Variants in CCDC83 observed in about 807,000 individuals in gnomAD.
The protein encoded by CCDC83 is coiled-coil domain-containing protein 83.
CCDC83 carries 54 observed loss-of-function variants against 50.1 expected under a neutral mutation model. That is an observed-to-expected ratio of 1.08 (90% CI 0.87 to 1.35). CCDC83 has a LOEUF of 1.35. Ranked by LOEUF, CCDC83 falls within the 40% of genes most tolerant of loss-of-function variation. The pLI is 0.00. For synonymous variants in CCDC83, 161 were observed against 153.3 expected (o/e 1.05, Z -0.37); for missense variants, 518 against 473.9 (o/e 1.09, Z -0.86).
chr11:85,862,227 G>A (rs530407996), intron 1 of CCDC83, among the ~76,000 whole-genome samples: 26 of 152,150 alleles, frequency 1.7e-4, no homozygotes, highest in African/African-American at 5.1e-4. Flanking sequence ...AATATTTATT[G>A]CAAGATTTTA....
intron 3 of CCDC83, among the ~76,000 whole-genome samples, chr11:85,876,677 G>A (rs2093271056): frequency 6.6e-6 from 1 of 152,106 alleles, no homozygotes; most frequent in African/African-American, 2.4e-5. Context: ...ACTAATTTGT[G>A]TACTTTTTGT....
At chr11:85,914,986 G>A (rs188343833) in intron 8 of CCDC83, among the ~76,000 whole-genome samples, 12 of 152,252 alleles carry the variant, frequency 7.9e-5, no homozygotes, top group East Asian at 3.9e-4. Flanking sequence ...TCACTAACAC[G>A]AGAACAGCAT....
At chr11:85,900,469 A>T (rs2093395831) in intron 7 of CCDC83, among the ~76,000 whole-genome samples, 1 of 152,166 alleles carries the variant, frequency 6.6e-6, no homozygotes, top group African/African-American at 2.4e-5. Flanking sequence ...GGGATTTGCC[A>T]GTTCACACCA....
chr11:85,910,204 C>T (rs1056522785), intron 7 of CCDC83, among the ~76,000 whole-genome samples: 15 of 152,314 alleles, frequency 9.8e-5, no homozygotes, highest in Admixed American at 4.6e-4. Flanking sequence ...CTCTCTCCTC[C>T]GATGGCACCA....
At position 85,865,177 on chromosome 11, in the gene CCDC83, A is replaced by G. The variant is rs773442206; in HGVS notation, c.54A>G (p.Lys18=). Residue 18 remains lysine (K), a synonymous_variant, in exon 2 of 11, where the codon AAA becomes AAG. Transcript: ENST00000342404. ...NKKDTHDGPP[K]EIKLPTSEAL... is the part of the protein sequence containing the mutation. ...AGGATACACATGACGGGCCACCAAA[A>G]GAAATTAAACTGCCTACCAGTGAAG... 9 of 1,613,210 alleles carry G rather than the reference A, an allele frequency of 5.6e-6. No individual in the cohort carries two copies. The South Asian group carries it at 9.9e-5, about 18-fold the overall frequency.
At chr11:85,856,263 C>A (rs760904960) in intron 1 of CCDC83, among the ~76,000 whole-genome samples, 10 of 151,152 alleles carry the variant, frequency 6.6e-5, no homozygotes, top group Non-Finnish European at 1.5e-4. Flanking sequence ...ATTTATCAGT[C>A]TATGTGATAA....
chr11:85,905,748 T>C (rs2093422672), intron 7 of CCDC83, among the ~76,000 whole-genome samples: 1 of 151,708 alleles, frequency 6.6e-6, no homozygotes, highest in Non-Finnish European at 1.5e-5. Flanking sequence ...GGCAGGTGGA[T>C]CACGAGGTCA....
intron 5 of CCDC83, among the ~76,000 whole-genome samples, chr11:85,892,935 A>G (rs544563840): frequency 2.0e-5 from 3 of 152,222 alleles, no homozygotes; most frequent in Non-Finnish European, 2.9e-5. Context: ...GACTAACTCC[A>G]AAAACCTAAT....
At position 85,911,362 on chromosome 11, in the gene CCDC83, C is replaced by G; in HGVS notation, c.754C>G (p.Gln252Glu). ...LEAENLVLID[Q>E]LSNCRLVDLK... ...AGCAGAAAATTTGGTGCTTATTGAT[C>G]AACTATCCAACTGTAGACTTGTGGA... is the stretch of plus-strand genomic sequence containing the variant. Residue 252 changes from glutamine to glutamate, a missense_variant, in exon 8 of 11, where the codon CAA becomes GAA. Physicochemically the swap from Gln to Glu is conservative, Grantham distance 29. Coordinates refer to ENST00000342404, the MANE Select transcript of CCDC83 (RefSeq NM_001286159.2). 1 of 1,611,092 alleles carries G rather than the reference C, an allele frequency of 6.2e-7. No individual in the cohort carries two copies. Among genetic ancestry groups the G allele is most frequent in the Non-Finnish European group, 8.5e-7 (1 of 1,178,754 alleles).
chr11:85,914,155 T>C (rs1302907807), intron 8 of CCDC83, among the ~76,000 whole-genome samples: 2 of 152,258 alleles, frequency 1.3e-5, no homozygotes, highest in African/African-American at 2.4e-5. Context: ...AAATATTGTA[T>C]GTAGTTACAG....
chr11:85,855,159 AG>A (rs1179561300), upstream of CCDC83: 1 of 152,352 alleles, frequency 6.6e-6, no homozygotes. Flanking sequence ...GCGGGCTGAA[AG>A]GAAGTGCGAG....
At chr11:85,874,649 C>T (rs1193600829) in intron 3 of CCDC83, among the ~76,000 whole-genome samples, 1 of 152,200 alleles carries the variant, frequency 6.6e-6, no homozygotes, top group Non-Finnish European at 1.5e-5. Flanking sequence ...AGTACATTTT[C>T]CACAGTGCAA....
chr11:85,877,386 G>T (rs777109936), intron 3 of CCDC83, among the ~76,000 whole-genome samples: 5 of 152,162 alleles, frequency 3.3e-5, no homozygotes, highest in Non-Finnish European at 7.4e-5. Context: ...GCAGGAAGAT[G>T]CTTGAGCCCA....
Position 85,899,020 on chromosome 11 carries a change from G to A in CCDC83, c.672+5G>A, listed in dbSNP as rs1325458559. On this transcript the variant is annotated splice_donor_5th_base_variant and intron_variant, in intron 7 of 10. Transcript: ENST00000342404. The stretch of plus-strand genomic sequence containing the variant: ...AATGACTGGCTCAAAAAAGAGGTAA[G>A]TGGAATTTATCAAAACAAACAATTT... The A allele has an allele frequency of 6.3e-7, 1 of 1,597,862 alleles. No homozygotes were observed. The highest frequency in any genetic ancestry group is 1.7e-5 in the Admixed American group (1 of 59,058).
intron 2 of CCDC83, among the ~76,000 whole-genome samples, chr11:85,867,531 T>C (rs2093214401): frequency 6.6e-6 from 1 of 152,218 alleles, no homozygotes; most frequent in South Asian, 2.1e-4. Flanking sequence ...CTGTTTCCTT[T>C]TATTTTCTAC....
At chr11:85,879,913 G>A (rs1340549349) in intron 3 of CCDC83, among the ~76,000 whole-genome samples, 1 of 152,154 alleles carries the variant, frequency 6.6e-6, no homozygotes. Context: ...ACCGCGCCCT[G>A]CCTTGTGTGC....
intron 1 of CCDC83, among the ~76,000 whole-genome samples, chr11:85,861,689 ATTCACGCC>A (rs1400518057): frequency 2.0e-5 from 3 of 152,108 alleles, no homozygotes; most frequent in African/African-American, 7.2e-5. Flanking sequence ...GCTTCTGGAT[ATTCACGCC>A]TTCACAAAGT....
chr11:85,914,924 AG>A (rs940726877), intron 8 of CCDC83, among the ~76,000 whole-genome samples: 75 of 152,358 alleles, frequency 4.9e-4, no homozygotes, highest in African/African-American at 1.8e-3. Flanking sequence ...GAAGAAGTGC[AG>A]AGCGAAGGTT....
At chr11:85,871,505 G>A (rs1277575336) in intron 2 of CCDC83, among the ~76,000 whole-genome samples, 1 of 152,090 alleles carries the variant, frequency 6.6e-6, no homozygotes, top group Non-Finnish European at 1.5e-5. Flanking sequence ...TCTCTCTAAT[G>A]AGTATACAAT....
Sources: allele counts gnomAD v4.1 joint callset (sites outside exome capture counted in the v4.1 genomes callset), GRCh38; gene constraint gnomAD v4.1.1; transcripts MANE v1.5; gene names NCBI Gene and HGNC (gene_info 2026-07-23, HGNC 2026-07-21).